ACER3: variants seen among roughly 807,000 people sequenced by gnomAD.
ACER3 encodes alkaline ceramidase 3.
Under a neutral mutation model 48.9 loss-of-function variants are expected in ACER3, and 16 were observed. That is an observed-to-expected ratio of 0.33 (90% CI 0.22 to 0.50). ACER3 has a LOEUF of 0.50. ACER3 is among the 20% of genes least tolerant of loss of function. The probability of loss-of-function intolerance (pLI) is 0.98; values close to 1 mark genes in which losing one functional copy is unlikely to be tolerated. For synonymous variants in ACER3, 109 were observed against 107.8 expected (o/e 1.01, Z -0.07); for missense variants, 227 against 326.0 (o/e 0.70, Z 2.34).
intron 2 of ACER3, among the ~76,000 whole-genome samples, chr11:76,936,222 A>G (rs1393957549): frequency 1.3e-5 from 2 of 152,214 alleles, no homozygotes; most frequent in African/African-American, 4.8e-5. Context: ...TGATATTCCA[A>G]TAGACCATAC....
At position 77,020,366 on chromosome 11, in the gene ACER3, T is replaced by C. The variant is rs367936058; in HGVS notation, c.*39T>C. The stretch of plus-strand genomic sequence containing the variant: ...CAAGAAAACAAACAAGCACCTACCA[T>C]AGACCTGGCAGAATAAATAAGGAAA... On this transcript the variant is annotated 3_prime_UTR_variant, in exon 11 of 11. Coordinates refer to ENST00000532485, the MANE Select transcript of ACER3 (RefSeq NM_018367.7). The C allele has an allele frequency of 1.0e-5, 16 of 1,596,634 alleles. No individual in the cohort carries two copies. The highest frequency in any genetic ancestry group is 8.1e-5 in the African/African-American group (6 of 74,202).
chr11:76,961,465 A>G (rs1947992174), intron 3 of ACER3, among the ~76,000 whole-genome samples: 1 of 152,048 alleles, frequency 6.6e-6, no homozygotes, highest in Non-Finnish European at 1.5e-5. Context: ...CTTCAAAGCC[A>G]AAGAATATAC....
intron 1 of ACER3, chr11:76,868,016 CA>C: frequency 1.0e-6 from 1 of 962,124 alleles, no homozygotes; most frequent in Non-Finnish European, 1.4e-6. Context: ...CAGCACAAGA[CA>C]AAAGGGGCTT....
At chr11:76,974,474 T>A (rs1409092383) in intron 3 of ACER3, among the ~76,000 whole-genome samples, 2 of 152,170 alleles carry the variant, frequency 1.3e-5, no homozygotes, top group South Asian at 4.1e-4. Flanking sequence ...CTTTAGTGTG[T>A]ACCATTAACT....
At chr11:76,975,135 C>CA (rs1271742620) in intron 3 of ACER3, among the ~76,000 whole-genome samples, 2 of 152,180 alleles carry the variant, frequency 1.3e-5, no homozygotes, top group African/African-American at 4.8e-5. Context: ...TCATTCCTGC[C>CA]ATCACTTTCT....
chr11:76,895,970 C>G (rs981262060), intron 1 of ACER3, among the ~76,000 whole-genome samples: 24 of 152,116 alleles, frequency 1.6e-4, no homozygotes, highest in Non-Finnish European at 3.2e-4. Context: ...TTCTCTTAGT[C>G]CCCCTGTTCT....
At chr11:76,931,663 G>A (rs1014027194) in intron 2 of ACER3, among the ~76,000 whole-genome samples, 15 of 152,064 alleles carry the variant, frequency 9.9e-5, no homozygotes, top group Non-Finnish European at 1.9e-4. Flanking sequence ...CAGGGCTGGT[G>A]GTGACAAAAT....
At chr11:76,957,349 A>G (rs2135025878) in intron 2 of ACER3, 3 of 296,210 alleles carry the variant, frequency 1.0e-5, no homozygotes, top group South Asian at 8.5e-5. Context: ...GAAGCATAGA[A>G]TTTTTTAAAT....
At chr11:76,923,192 T>A (rs1176024459) in intron 1 of ACER3, among the ~76,000 whole-genome samples, 9 of 151,234 alleles carry the variant, frequency 6.0e-5, no homozygotes, top group African/African-American at 1.5e-4. Flanking sequence ...ATAATTGAGA[T>A]ACAAAACAGA....
At chr11:76,925,604 A>G (rs761536057) in intron 1 of ACER3, among the ~76,000 whole-genome samples, 23 of 151,980 alleles carry the variant, frequency 1.5e-4, no homozygotes, top group Admixed American at 1.4e-3. Context: ...GTCCTTTTGT[A>G]GTCTTGAGCC....
At chr11:76,933,173 C>T (rs1590951450) in intron 2 of ACER3, among the ~76,000 whole-genome samples, 4 of 129,604 alleles carry the variant, frequency 3.1e-5, no homozygotes, top group East Asian at 2.4e-4. Flanking sequence ...ATACGTATTT[C>T]ATATATATAT....
chr11:76,920,529 G>A (rs755986285), intron 1 of ACER3, among the ~76,000 whole-genome samples: 1 of 151,554 alleles, frequency 6.6e-6, no homozygotes, highest in Non-Finnish European at 1.5e-5. Flanking sequence ...CCTTTATTCT[G>A]TAGAGTTTTC....
intron 6 of ACER3, among the ~76,000 whole-genome samples, chr11:76,996,719 CTTTT>C (rs36108857): frequency 1.4e-4 from 19 of 138,782 alleles, no homozygotes; most frequent in African/African-American, 5.0e-4. Context: ...CCCACCCAGC[CTTTT>C]TTTTTTTTTT....
chr11:76,983,554 A>G (rs763448824), intron 4 of ACER3, among the ~76,000 whole-genome samples: 4 of 152,070 alleles, frequency 2.6e-5, no homozygotes, highest in Non-Finnish European at 5.9e-5. Flanking sequence ...ACCTCAAGCA[A>G]TCTTCCTGCC....
At chr11:76,916,219 ATAACTT>A (rs1946525723) in intron 1 of ACER3, among the ~76,000 whole-genome samples, 1 of 152,244 alleles carries the variant, frequency 6.6e-6, no homozygotes, top group Non-Finnish European at 1.5e-5. Context: ...GGGGAAAAGA[ATAACTT>A]TATTACATCA....
At chr11:76,986,728 C>T (rs1201458148) in intron 5 of ACER3, among the ~76,000 whole-genome samples, 2 of 152,248 alleles carry the variant, frequency 1.3e-5, no homozygotes, top group East Asian at 1.9e-4. Flanking sequence ...ATTATAAATA[C>T]CCCTCTATGC....
At chr11:76,868,389 CTCTGTG>C (rs1161271395) in intron 1 of ACER3, 131 of 187,104 alleles carry the variant, frequency 7.0e-4, no homozygotes, top group South Asian at 4.6e-3. Context: ...CTCTCTCTCT[CTCTGTG>C]TGTGTGTGTG....
intron 7 of ACER3, among the ~76,000 whole-genome samples, chr11:77,010,869 C>T (rs1341623065): frequency 6.6e-6 from 1 of 152,232 alleles, no homozygotes; most frequent in Non-Finnish European, 1.5e-5. Context: ...TAGAATTCTA[C>T]AGGCAGCCAA....
chr11:76,905,830 C>T (rs1352922384), intron 1 of ACER3, among the ~76,000 whole-genome samples: 3 of 152,130 alleles, frequency 2.0e-5, no homozygotes, highest in African/African-American at 7.2e-5. Flanking sequence ...GATATTTACA[C>T]TTATTTTGAT....
Sources: gnomAD v4.1 joint callset for allele counts (sites outside exome capture counted in the v4.1 genomes callset) on GRCh38, gnomAD v4.1.1 for gene constraint, MANE v1.5 for transcripts, NCBI Gene and HGNC (gene_info 2026-07-23, HGNC 2026-07-21) for gene names.